PLD5: variants seen among roughly 807,000 people sequenced by gnomAD.
PLD5 encodes the protein phospholipase D family member 5.
PLD5 carries 36 observed loss-of-function variants against 61.1 expected under a neutral mutation model. The observed-to-expected ratio is 0.59, with a 90% CI of 0.45 to 0.78. The LOEUF (loss-of-function observed/expected upper bound fraction) is 0.78. PLD5 is among the 30% of genes least tolerant of loss of function. PLD5 has a pLI of 0.00. For synonymous variants in PLD5, 243 were observed against 242.8 expected (o/e 1.00, Z -0.01); for missense variants, 515 against 644.4 (o/e 0.80, Z 2.17).
intron 1 of PLD5, among the ~76,000 whole-genome samples, chr1:242,352,955 T>C (rs1660557934): frequency 6.6e-6 from 1 of 152,204 alleles, no homozygotes; most frequent in South Asian, 2.1e-4. Context: ...ATCAGGTATA[T>C]GGTTTGCAAG....
Position 242,089,755 on chromosome 1 carries a change from TC to T in PLD5, c.*98del. ...GAATATTTTTTATAAGTGTGCTTTT[TC>T]CCTAAAAAAAGAGACATATTAAAGT... is the stretch of plus-strand genomic sequence containing the variant. On this transcript the variant is annotated 3_prime_UTR_variant, in exon 10 of 10. Transcript: ENST00000536534. The T allele has an allele frequency of 5.5e-6, 8 of 1,460,942 alleles. No homozygotes were observed. The highest frequency in any genetic ancestry group is 7.5e-6 in the Non-Finnish European group (8 of 1,064,992). 90.5% of individuals were successfully genotyped at this position (1,460,942 alleles called of 1,614,324 possible).
chr1:242,285,044 A>C (rs1167807094), intron 3 of PLD5, among the ~76,000 whole-genome samples: 5 of 152,230 alleles, frequency 3.3e-5, no homozygotes, highest in Non-Finnish European at 5.9e-5. Flanking sequence ...CTCTACCAGA[A>C]GACATTATTC....
At chr1:242,110,994 T>C (rs982943342) in intron 7 of PLD5, among the ~76,000 whole-genome samples, 1 of 151,958 alleles carries the variant, frequency 6.6e-6, no homozygotes, top group African/African-American at 2.4e-5. Flanking sequence ...ACCTAAATAA[T>C]TGACTTGCTT....
intron 1 of PLD5, among the ~76,000 whole-genome samples, chr1:242,366,099 T>C (rs1661326070): frequency 6.6e-6 from 1 of 152,222 alleles, no homozygotes; most frequent in Non-Finnish European, 1.5e-5. Context: ...GAGGTCAGCA[T>C]TATATTGATA....
At chr1:242,196,877 A>G (rs2036408) in intron 5 of PLD5, among the ~76,000 whole-genome samples, 49,497 of 151,982 alleles carry the variant, frequency 0.33, 8,702 homozygotes, top group East Asian at 0.62. Context: ...GTGCTCCTAC[A>G]TATTTGGGGA....
rs1359964812 is a variant in PLD5, at chr1:242,083,259, G to C, written c.*6595C>G. 1 of 152,232 alleles carries C rather than the reference G, an allele frequency of 6.6e-6. No homozygotes were observed. The highest frequency in any genetic ancestry group is 6.5e-5 in the Admixed American group (1 of 15,270). The allele number at this position is 152,232 out of a possible 1,614,324, so 9.4% of individuals were successfully genotyped here. A position where few individuals can be genotyped will look rare whatever the true frequency, so the allele number is the denominator to read the frequency against. ...TTTCTGGTGTTCAAACTCCCTAAAAGAGGGCCGTGATTGGTGGGGCCAGGT... is the reference window on the plus strand; with the variant it reads ...TTTCTGGTGTTCAAACTCCCTAAAACAGGGCCGTGATTGGTGGGGCCAGGT... On this transcript the variant is annotated 3_prime_UTR_variant, in exon 10 of 10. Transcript: ENST00000536534.
intron 5 of PLD5, among the ~76,000 whole-genome samples, chr1:242,180,194 A>C (rs1293354151): frequency 1.3e-5 from 2 of 152,118 alleles, no homozygotes; most frequent in African/African-American, 4.8e-5. Context: ...TCATTGTGAG[A>C]TGTGGATATT....
intron 4 of PLD5, among the ~76,000 whole-genome samples, chr1:242,242,604 G>T (rs1672125458): frequency 6.6e-6 from 1 of 152,144 alleles, no homozygotes; most frequent in African/African-American, 2.4e-5. Context: ...ATTAATCACG[G>T]ATCGTAGACA....
chr1:242,141,670 A>G (rs2148791606), intron 5 of PLD5, among the ~76,000 whole-genome samples: 1 of 152,272 alleles, frequency 6.6e-6, no homozygotes, highest in East Asian at 1.9e-4. Flanking sequence ...TGAAGCAAGC[A>G]AGCTCTCAGT....
chr1:242,491,393 G>GCA (rs950390822), intron 1 of PLD5, among the ~76,000 whole-genome samples: 3 of 151,924 alleles, frequency 2.0e-5, no homozygotes, highest in African/African-American at 2.4e-5. Flanking sequence ...GTGCATGTGC[G>GCA]CACACACACA....
chr1:242,520,341 G>A (rs750602408), intron 1 of PLD5, among the ~76,000 whole-genome samples: 2 of 152,150 alleles, frequency 1.3e-5, no homozygotes, highest in Non-Finnish European at 2.9e-5. Context: ...CGTGGTGTCC[G>A]AGTCTCTGAC....
intron 9 of PLD5, among the ~76,000 whole-genome samples, chr1:242,094,062 T>C (rs188532989): frequency 2.2e-4 from 34 of 152,256 alleles, no homozygotes; most frequent in African/African-American, 7.5e-4. Context: ...ACCGTCTGGC[T>C]TGACTTCAAA....
At chr1:242,399,658 T>C (rs1191317444) in intron 1 of PLD5, among the ~76,000 whole-genome samples, 1 of 151,960 alleles carries the variant, frequency 6.6e-6, no homozygotes, top group Non-Finnish European at 1.5e-5. Flanking sequence ...AAAAAAAGAA[T>C]TGATTATATC....
At chr1:242,521,181 T>C (rs1000694275) in intron 1 of PLD5, among the ~76,000 whole-genome samples, 5 of 152,218 alleles carry the variant, frequency 3.3e-5, no homozygotes, top group Admixed American at 3.3e-4. Context: ...TGATTCTCTA[T>C]AAACATTTAT....
At chr1:242,129,490 C>T (rs182028011) in intron 5 of PLD5, among the ~76,000 whole-genome samples, 61 of 152,220 alleles carry the variant, frequency 4.0e-4, no homozygotes, top group African/African-American at 1.4e-3. Flanking sequence ...AGCTTTTTCG[C>T]CCACAGCAAG....
At position 242,090,082 on chromosome 1, in the gene PLD5, G is replaced by A; in HGVS notation, c.1383C>T (p.Phe461=). The part of the protein sequence containing the change: ...IGNFDWVGND[F]TQNAGTGLVI... ...CAAGGCCCGTGCCAGCATTCTGAGT[G>A]AAATCATTCCCTACCCAATCAAAAT... The change falls in exon 10 of 10, where the codon TTC becomes TTT. Residue 461 remains phenylalanine (F), a synonymous_variant. Transcript: ENST00000536534. The A allele has an allele frequency of 6.2e-7, 1 of 1,614,144 alleles. No homozygotes were observed. Among genetic ancestry groups the A allele is most frequent in the African/African-American group, 1.3e-5 (1 of 75,040 alleles).
Position 242,394,338 on chromosome 1 carries a change from GTATATATGAGTATATATGTGTGTA to G in PLD5, c.190-46120_190-46097del, listed in dbSNP as rs1558525960. ...TGTGTATATATGAGTATATATGTGT[GTATATATGAGTATATATGTGTGTA>G]TATATGAGTATATATGTGTGTATAT... On this transcript the variant is annotated intron_variant, in intron 1 of 9. Coordinates refer to ENST00000536534, the MANE Select transcript of PLD5 (RefSeq NM_001372062.1). Among the ~76,000 whole-genome samples the G allele has an allele frequency of 1.8e-4, 12 of 65,714 alleles. 4 individuals carry two copies. The highest frequency in any genetic ancestry group is 1.2e-3 in the East Asian group (4 of 3,312). 43.1% of individuals were successfully genotyped at this position (65,714 alleles called of 152,430 possible). A position where few individuals can be genotyped will look rare whatever the true frequency, so the allele number is the denominator to read the frequency against.
intron 1 of PLD5, among the ~76,000 whole-genome samples, chr1:242,440,060 C>T (rs1481518379): frequency 6.6e-6 from 1 of 152,112 alleles, no homozygotes; most frequent in Non-Finnish European, 1.5e-5. Flanking sequence ...TAATTGGAAA[C>T]ACTTAACACA....
At position 242,194,963 on chromosome 1, in the gene PLD5, G is replaced by A. The variant is rs543057531; in HGVS notation, c.735+25025C>T. ...GGAGATGGGTGCAGCAAAATCTCAC[G>A]AATCATCACTAAAGAATTTACTCAT... On this transcript the variant is annotated intron_variant, in intron 5 of 9. Transcript: ENST00000536534. Among the ~76,000 whole-genome samples, 265 of 152,028 alleles carry A rather than the reference G, an allele frequency of 1.7e-3. 2 individuals are homozygous for A. The highest frequency in any genetic ancestry group is 6.0e-3 in the African/African-American group (249 of 41,462).
Sources: gnomAD v4.1 joint callset for allele counts (sites outside exome capture counted in the v4.1 genomes callset) on GRCh38, gnomAD v4.1.1 for gene constraint, MANE v1.5 for transcripts, NCBI Gene and HGNC (gene_info 2026-07-23, HGNC 2026-07-21) for gene names.